Variants in ARHGAP26 observed in about 807,000 individuals in gnomAD.
ARHGAP26 encodes Rho GTPase activating protein 26.
A neutral mutation model predicts 104.8 loss-of-function variants in ARHGAP26; 38 were observed. The observed-to-expected ratio is 0.36, with a 90% CI of 0.28 to 0.48. The LOEUF (loss-of-function observed/expected upper bound fraction) is 0.48, where lower values mean the gene tolerates loss of function less well. ARHGAP26 is among the 20% of genes least tolerant of loss of function. ARHGAP26 has a pLI of 0.99. For synonymous variants in ARHGAP26, 341 were observed against 340.0 expected, an observed-to-expected ratio of 1.00 and a Z score of -0.03; for missense variants, 704 against 947.9, an observed-to-expected ratio of 0.74 and a Z score of 3.38.
At chr5:143,101,499 G>T (rs1212845711) in intron 17 of ARHGAP26, among the ~76,000 whole-genome samples, 3 of 151,886 alleles carry the variant, frequency 2.0e-5, no homozygotes, top group South Asian at 4.2e-4. Flanking sequence ...TAGCTCTTTG[G>T]GGGTGACTCC....
intron 17 of ARHGAP26, chr5:143,103,485 A>C (rs1335818563): frequency 6.6e-6 from 1 of 152,408 alleles, no homozygotes; most frequent in African/African-American, 2.4e-5. Context: ...CTGTAAAGAC[A>C]CATGCACACG....
At chr5:142,779,424 G>GGTGTGTGT (rs10550663) in intron 1 of ARHGAP26, among the ~76,000 whole-genome samples, 1 of 149,668 alleles carries the variant, frequency 6.7e-6, no homozygotes, top group Non-Finnish European at 1.5e-5. Context: ...GGGTTAGGGT[G>GGTGTGTGT]GTGTGTGTGT....
At position 142,884,742 on chromosome 5, in the gene ARHGAP26, A is replaced by G. The variant is rs116068783; in HGVS notation, c.385-556A>G. Among the ~76,000 whole-genome samples the G allele has an allele frequency of 2.6e-3, 390 of 152,320 alleles. 1 individual carries two copies. Among genetic ancestry groups the G allele is most frequent in the African/African-American group, 9.1e-3 (378 of 41,588 alleles). ...TGCCGTAGTAAACAAATGTGTGTGA[A>G]GATAATATTGTTGTTTTGAATTATT... is the stretch of plus-strand genomic sequence containing the variant. On this transcript the variant is annotated intron_variant, in intron 4 of 22. Transcript: ENST00000645722.
chr5:143,078,979 C>T (rs1789434069), intron 17 of ARHGAP26, among the ~76,000 whole-genome samples: 1 of 152,234 alleles, frequency 6.6e-6, no homozygotes, highest in Admixed American at 6.5e-5. Flanking sequence ...TCTGCAAATG[C>T]AGAGTAATTT....
chr5:142,959,695 C>G (rs1769885959), intron 11 of ARHGAP26, among the ~76,000 whole-genome samples: 1 of 152,224 alleles, frequency 6.6e-6, no homozygotes, highest in African/African-American at 2.4e-5. Flanking sequence ...TTAAAGAGCT[C>G]ATGTGATTCA....
intron 17 of ARHGAP26, among the ~76,000 whole-genome samples, chr5:143,086,524 C>T (rs1790611382): frequency 6.6e-6 from 1 of 152,028 alleles, no homozygotes; most frequent in Non-Finnish European, 1.5e-5. Flanking sequence ...TGTTTGGGTC[C>T]CTGAATAGAT....
intron 17 of ARHGAP26, among the ~76,000 whole-genome samples, chr5:143,087,633 A>ATTTTTTTTTTTTTTT (rs1292744774): frequency 1.0e-4 from 2 of 19,342 alleles, no homozygotes; most frequent in East Asian, 1.8e-3. Context: ...ACCCTGGCCC[A>ATTTTTTTTTTTTTTT]TTCTTTTTTT....
chr5:142,854,268 G>T (rs1226084584), intron 1 of ARHGAP26, among the ~76,000 whole-genome samples: 2 of 152,082 alleles, frequency 1.3e-5, no homozygotes, highest in African/African-American at 4.8e-5. Context: ...CTTGAATATG[G>T]CTCCCTGCCT....
chr5:143,208,574 G>A (rs1241007040), intron 21 of ARHGAP26, among the ~76,000 whole-genome samples: 1 of 152,148 alleles, frequency 6.6e-6, no homozygotes, highest in Non-Finnish European at 1.5e-5. Context: ...GAACCCTACT[G>A]TGGAAAAAGA....
chr5:142,860,065 C>T (rs978352606), intron 1 of ARHGAP26: 11 of 152,260 alleles, frequency 7.2e-5, no homozygotes, highest in Non-Finnish European at 1.3e-4. Flanking sequence ...ATTCTGTGCA[C>T]TGGGGCCACA....
intron 9 of ARHGAP26, 45 bp from the exon 10 acceptor site, chr5:142,913,154 G>A (rs1198181469): frequency 6.7e-7 from 1 of 1,493,324 alleles, no homozygotes; most frequent in South Asian, 1.1e-5. Context: ...GAGGAGTAGA[G>A]CTCCCATTCT....
chr5:143,210,920 C>T (rs756604318), intron 21 of ARHGAP26, among the ~76,000 whole-genome samples: 31 of 152,340 alleles, frequency 2.0e-4, no homozygotes, highest in Non-Finnish European at 3.7e-4. Flanking sequence ...CCGAAAACTA[C>T]CCCAGGCCCT....
chr5:142,853,140 A>G (rs1751817036), intron 1 of ARHGAP26, among the ~76,000 whole-genome samples: 1 of 152,134 alleles, frequency 6.6e-6, no homozygotes, highest in South Asian at 2.1e-4. Context: ...TTCTGGGGTG[A>G]TTGGTGAGAA....
chr5:143,139,748 T>A (rs1254764058), intron 19 of ARHGAP26, among the ~76,000 whole-genome samples: 1 of 152,168 alleles, frequency 6.6e-6, no homozygotes, highest in East Asian at 1.9e-4. Flanking sequence ...TGCTCCCAGA[T>A]GAATGGCAGC....
intron 20 of ARHGAP26, among the ~76,000 whole-genome samples, chr5:143,176,296 T>A (rs928254856): frequency 3.3e-5 from 5 of 152,218 alleles, no homozygotes; most frequent in Admixed American, 1.3e-4. Context: ...ATAAGAGACT[T>A]GCCAGCCACT....
intron 1 of ARHGAP26, among the ~76,000 whole-genome samples, chr5:142,802,879 C>T (rs1432227293): frequency 6.6e-6 from 1 of 152,150 alleles, no homozygotes; most frequent in African/African-American, 2.4e-5. Flanking sequence ...ACCTCAGTTT[C>T]CTCACCTGTA....
At chr5:143,124,746 C>G (rs575493666) in intron 18 of ARHGAP26, among the ~76,000 whole-genome samples, 2 of 152,336 alleles carry the variant, frequency 1.3e-5, no homozygotes, top group East Asian at 1.9e-4. Context: ...AGATTCAAGG[C>G]AGGGGGAGCT....
At chr5:142,928,107 A>G (rs1005157562) in intron 10 of ARHGAP26, among the ~76,000 whole-genome samples, 9 of 151,994 alleles carry the variant, frequency 5.9e-5, no homozygotes, top group Non-Finnish European at 1.0e-4. Flanking sequence ...TTTGACTTTT[A>G]ATTTTTTAAA....
At chr5:142,997,331 T>C (rs1180829637) in intron 11 of ARHGAP26, among the ~76,000 whole-genome samples, 1 of 152,180 alleles carries the variant, frequency 6.6e-6, no homozygotes, top group East Asian at 1.9e-4. Flanking sequence ...GCATGTTCAC[T>C]GATGGTGTTG....
Sources: gnomAD v4.1 joint callset for allele counts (sites outside exome capture counted in the v4.1 genomes callset) on GRCh38, gnomAD v4.1.1 for gene constraint, MANE v1.5 for transcripts, NCBI Gene and HGNC (gene_info 2026-07-23, HGNC 2026-07-21) for gene names.